Variants in PCDH9 observed in about 807,000 individuals in gnomAD.
PCDH9 encodes protocadherin-9.
In PCDH9, 24 loss-of-function variants were observed where a neutral mutation model predicts 70.6. The ratio of observed to expected loss-of-function variants is 0.34; its 90% CI spans 0.25 to 0.48. The LOEUF (loss-of-function observed/expected upper bound fraction) is 0.48. PCDH9 is among the 20% of genes least tolerant of loss of function. The pLI is 0.99. For missense variants in PCDH9, 1,281 were observed against 1,503.6 expected, an observed-to-expected ratio of 0.85 and a Z score of 2.45; for synonymous variants, 562 against 558.5, an observed-to-expected ratio of 1.01 and a Z score of -0.09.
intron 2 of PCDH9, among the ~76,000 whole-genome samples, chr13:67,149,123 T>C (rs572718182): frequency 4.6e-5 from 7 of 152,174 alleles, no homozygotes; most frequent in African/African-American, 1.4e-4. Context: ...TACATGCCAA[T>C]GATATTGTAG....
rs1466478119 is a variant in PCDH9 at position 66,303,027 on chromosome 13, G to A, written c.*1628C>T. On this transcript the variant is annotated 3_prime_UTR_variant, in exon 5 of 5. Transcript: ENST00000377865. Reference sequence around the variant, plus strand: ...ATTTTCCATTATACTGTGGAAAAATGTGAACTGCTATTTACAAAGTAATTT... The same window carrying A: ...ATTTTCCATTATACTGTGGAAAAATATGAACTGCTATTTACAAAGTAATTT... The A allele has an allele frequency of 6.6e-6, 1 of 152,366 alleles. No homozygotes were observed. The highest frequency in any genetic ancestry group is 1.5e-5 in the Non-Finnish European group (1 of 67,964). The allele number at this position is 152,366 out of a possible 1,614,324, so 9.4% of individuals were successfully genotyped here.
intron 3 of PCDH9, among the ~76,000 whole-genome samples, chr13:66,730,864 T>TTGTG (rs1555262840): frequency 1.6e-5 from 2 of 122,292 alleles, no homozygotes; most frequent in African/African-American, 6.5e-5. Context: ...TTTTGTTTTT[T>TTGTG]TGTGTGTGTG....
intron 2 of PCDH9, among the ~76,000 whole-genome samples, chr13:67,080,344 A>C (rs2085959111): frequency 6.6e-6 from 1 of 152,224 alleles, no homozygotes; most frequent in Non-Finnish European, 1.5e-5. Context: ...TTACCCAATA[A>C]ACTGTGATAA....
At chr13:66,472,502 A>T (rs1327413987) in intron 4 of PCDH9, among the ~76,000 whole-genome samples, 1 of 151,990 alleles carries the variant, frequency 6.6e-6, no homozygotes, top group Non-Finnish European at 1.5e-5. Context: ...AAGGGAAGTC[A>T]AGGTTCACAG....
intron 2 of PCDH9, 70 bp from the exon 3 acceptor site, chr13:66,903,675 G>T: frequency 1.5e-6 from 1 of 668,636 alleles, no homozygotes; most frequent in South Asian, 1.8e-5. Context: ...AGACATGGCT[G>T]TTTGCTATGA....
At chr13:66,364,222 G>A (rs1472384218) in intron 4 of PCDH9, among the ~76,000 whole-genome samples, 1 of 152,064 alleles carries the variant, frequency 6.6e-6, no homozygotes, top group Non-Finnish European at 1.5e-5. Context: ...TTTACTTTTT[G>A]TGCTTATTTT....
intron 2 of PCDH9, among the ~76,000 whole-genome samples, chr13:67,156,024 C>T (rs1315396613): frequency 6.6e-6 from 1 of 151,962 alleles, no homozygotes; most frequent in Non-Finnish European, 1.5e-5. Flanking sequence ...TTAAGGATGC[C>T]GGAGATACAG....
rs116815156 is a variant in PCDH9, at chr13:66,915,751, G to C, written c.3037-12146C>G. On this transcript the variant is annotated intron_variant, in intron 2 of 4. Coordinates refer to ENST00000377865, the MANE Select transcript of PCDH9 (RefSeq NM_203487.3). The stretch of plus-strand genomic sequence containing the variant: ...CTTCCTTGGAGACTCAACATGAAAA[G>C]AAACAGGAAATCAGTGTAAATATGA... 5.3e-3 allele frequency among the ~76,000 whole-genome samples: 797 copies of C among 151,786 alleles called. 6 individuals carry two copies. Among genetic ancestry groups the C allele is most frequent in the African/African-American group, 0.018 (756 of 41,510 alleles).
intron 3 of PCDH9, among the ~76,000 whole-genome samples, chr13:66,814,226 T>C (rs1251109312): frequency 6.6e-6 from 1 of 152,130 alleles, no homozygotes; most frequent in Non-Finnish European, 1.5e-5. Flanking sequence ...AATGGGCCTG[T>C]TCAGAATGGA....
intron 4 of PCDH9, among the ~76,000 whole-genome samples, chr13:66,351,270 T>A (rs1956287472): frequency 6.6e-6 from 1 of 152,124 alleles, no homozygotes; most frequent in Non-Finnish European, 1.5e-5. Context: ...TAAAGAGTAC[T>A]GGAAGATAAT....
rs1182815822 is a variant in PCDH9 at position 66,493,264 on chromosome 13, T to A, written c.3340+137946A>T. Among the ~76,000 whole-genome samples, 4 of 152,260 alleles carry A rather than the reference T, an allele frequency of 2.6e-5. No individual in the cohort carries two copies. In the East Asian group the frequency reaches 5.8e-4, roughly 22 times the overall value. ...TGTGGCAAATGTGTTTTTGTGGCATTTGAATACTAGCCAGCAAGTCTCTTC... is the reference window on the plus strand; with the variant it reads ...TGTGGCAAATGTGTTTTTGTGGCATATGAATACTAGCCAGCAAGTCTCTTC... On this transcript the variant is annotated intron_variant, in intron 4 of 4. Transcript: ENST00000377865.
chr13:66,751,732 G>A (rs573487546), intron 3 of PCDH9, among the ~76,000 whole-genome samples: 2 of 152,256 alleles, frequency 1.3e-5, no homozygotes, highest in South Asian at 2.1e-4. Context: ...TGAGTATAAC[G>A]AAGGAAATAA....
At chr13:67,156,124 C>G (rs1313361209) in intron 2 of PCDH9, among the ~76,000 whole-genome samples, 1 of 151,990 alleles carries the variant, frequency 6.6e-6, no homozygotes, top group Non-Finnish European at 1.5e-5. Flanking sequence ...GGGCTCCACC[C>G]CCACCGACCT....
At chr13:66,670,272 C>A (rs1266106767) in intron 3 of PCDH9, among the ~76,000 whole-genome samples, 3 of 152,158 alleles carry the variant, frequency 2.0e-5, no homozygotes, top group Non-Finnish European at 2.9e-5. Context: ...AAGTAAAAGA[C>A]ATGCAGCTTT....
At chr13:66,468,941 AATAT>A (rs2138475482) in intron 4 of PCDH9, among the ~76,000 whole-genome samples, 1 of 152,226 alleles carries the variant, frequency 6.6e-6, no homozygotes, top group South Asian at 2.1e-4. Flanking sequence ...ATTTGGCCAA[AATAT>A]ATTCAAAAGT....
chr13:66,735,396 T>G (rs1190836857), intron 3 of PCDH9, among the ~76,000 whole-genome samples: 1 of 152,182 alleles, frequency 6.6e-6, no homozygotes, highest in African/African-American at 2.4e-5. Flanking sequence ...TTGGGTACAC[T>G]TTGTTCACAA....
intron 4 of PCDH9, among the ~76,000 whole-genome samples, chr13:66,437,396 C>A (rs1248641468): frequency 1.7e-5 from 1 of 57,226 alleles, no homozygotes; most frequent in Non-Finnish European, 2.9e-5. Context: ...CAGAGCAAGA[C>A]TCTGTCTCAA....
intron 3 of PCDH9, among the ~76,000 whole-genome samples, chr13:66,659,276 G>A (rs755205332): frequency 3.3e-5 from 5 of 152,144 alleles, no homozygotes; most frequent in African/African-American, 7.2e-5. Flanking sequence ...CCTAGCCTTA[G>A]AACAGTGCTC....
At chr13:66,864,524 T>C (rs1389500576) in intron 3 of PCDH9, among the ~76,000 whole-genome samples, 1 of 152,232 alleles carries the variant, frequency 6.6e-6, no homozygotes, top group African/African-American at 2.4e-5. Context: ...TCTCAATATC[T>C]CATTACATCA....
Sources: allele counts gnomAD v4.1 joint callset (sites outside exome capture counted in the v4.1 genomes callset), GRCh38; gene constraint gnomAD v4.1.1; transcripts MANE v1.5; gene names NCBI Gene and HGNC (gene_info 2026-07-23, HGNC 2026-07-21).